IGSF21: variants seen among roughly 807,000 people sequenced by gnomAD.
The protein encoded by IGSF21 is immunoglobin superfamily member 21, also known as immunoglobulin superfamily member 21.
In IGSF21, 28 loss-of-function variants were observed where a neutral mutation model predicts 46.8. The ratio of observed to expected loss-of-function variants is 0.60; its 90% CI spans 0.44 to 0.82. The LOEUF is 0.82. Ranked by LOEUF, IGSF21 falls within the 40% of genes least tolerant of loss-of-function variation. The pLI is 0.00. For synonymous variants in IGSF21, 284 were observed against 273.6 expected (o/e 1.04, Z -0.38); for missense variants, 624 against 665.5 (o/e 0.94, Z 0.69).
chr1:18,130,310 G>A (rs2086306776), intron 1 of IGSF21, among the ~76,000 whole-genome samples: 1 of 152,190 alleles, frequency 6.6e-6, no homozygotes, highest in South Asian at 2.1e-4. Context: ...ACCAGGATGA[G>A]AAGTTCCTGT....
chr1:18,167,900 C>T (rs2086695103), intron 1 of IGSF21: 1 of 152,360 alleles, frequency 6.6e-6, no homozygotes, highest in South Asian at 2.1e-4. Context: ...CCACAGATCC[C>T]AGGGCCAGCT....
intron 2 of IGSF21, among the ~76,000 whole-genome samples, chr1:18,280,826 G>A (rs2085151558): frequency 6.6e-6 from 1 of 151,832 alleles, no homozygotes; most frequent in Non-Finnish European, 1.5e-5. Context: ...TTGATGCCTG[G>A]GGACCCCCAT....
chr1:18,207,262 CT>C (rs1407621622), intron 1 of IGSF21, among the ~76,000 whole-genome samples: 3 of 152,210 alleles, frequency 2.0e-5, no homozygotes, highest in African/African-American at 7.2e-5. Flanking sequence ...AAACTTCCCA[CT>C]TTTAAGGGCT....
chr1:18,263,904 G>A (rs1183531037), intron 2 of IGSF21, among the ~76,000 whole-genome samples: 2 of 152,134 alleles, frequency 1.3e-5, no homozygotes, highest in South Asian at 4.1e-4. Flanking sequence ...ACCTGATGCT[G>A]GTGCATTTAA....
intron 1 of IGSF21, among the ~76,000 whole-genome samples, chr1:18,178,476 A>G (rs973598652): frequency 2.0e-5 from 3 of 152,172 alleles, no homozygotes; most frequent in Admixed American, 6.5e-5. Context: ...TGCATCTGTG[A>G]AGTGGGGATA....
intron 2 of IGSF21, among the ~76,000 whole-genome samples, chr1:18,240,723 G>C (rs1422286891): frequency 6.6e-6 from 1 of 152,198 alleles, no homozygotes; most frequent in Admixed American, 6.5e-5. Context: ...TTCAACCATG[G>C]ATGGGCTGTC....
At chr1:18,129,223 G>T (rs1418956781) in intron 1 of IGSF21, among the ~76,000 whole-genome samples, 1 of 152,142 alleles carries the variant, frequency 6.6e-6, no homozygotes, top group Non-Finnish European at 1.5e-5. Context: ...CAGGAAAAGG[G>T]GAGAGAGAGT....
Position 18,191,969 on chromosome 1 carries a change from G to T in IGSF21, c.71-35929G>T, listed in dbSNP as rs535952856. Reference sequence around the variant, plus strand: ...TGACATCTGCCCTCCTGAGAGTCCAGTAAGAAGCTTTCTTCCTCCCTCCAG... The same window carrying T: ...TGACATCTGCCCTCCTGAGAGTCCATTAAGAAGCTTTCTTCCTCCCTCCAG... On this transcript the variant is annotated intron_variant, in intron 1 of 9. Transcript: ENST00000251296. 1.7e-3 allele frequency among the ~76,000 whole-genome samples: 254 copies of T among 152,282 alleles called. 2 individuals carry two copies. Among genetic ancestry groups the T allele is most frequent in the African/African-American group, 5.9e-3 (247 of 41,568 alleles).
intron 3 of IGSF21, among the ~76,000 whole-genome samples, chr1:18,305,163 C>G (rs1041069478): frequency 6.7e-6 from 1 of 149,734 alleles, no homozygotes; most frequent in Admixed American, 6.7e-5. Flanking sequence ...AGTAAGCACT[C>G]AATAAGAGAT....
chr1:18,187,578 C>T (rs978677868), intron 1 of IGSF21, among the ~76,000 whole-genome samples: 6 of 152,122 alleles, frequency 3.9e-5, no homozygotes, highest in Admixed American at 1.3e-4. Context: ...ACCACTCCTG[C>T]GATCCAATTA....
intron 3 of IGSF21, among the ~76,000 whole-genome samples, chr1:18,305,177 G>A (rs4920471): frequency 0.56 from 84,526 of 150,836 alleles, 24,727 homozygotes; most frequent in East Asian, 0.81. Context: ...AAGAGATAGG[G>A]AAGGGGATGG....
chr1:18,157,087 G>A (rs1206583164), intron 1 of IGSF21, among the ~76,000 whole-genome samples: 1 of 152,006 alleles, frequency 6.6e-6, no homozygotes, highest in African/African-American at 2.4e-5. Flanking sequence ...TTGCACCACT[G>A]CATGCACTCC....
At chr1:18,373,333 C>T (rs1396428608) in intron 6 of IGSF21, among the ~76,000 whole-genome samples, 1 of 152,120 alleles carries the variant, frequency 6.6e-6, no homozygotes, top group Non-Finnish European at 1.5e-5. Context: ...TTCGGGCACT[C>T]TCAGCCATTG....
intron 1 of IGSF21, among the ~76,000 whole-genome samples, chr1:18,145,109 G>T (rs1440288682): frequency 6.6e-6 from 1 of 152,192 alleles, no homozygotes; most frequent in Non-Finnish European, 1.5e-5. Context: ...ACTCAGAGAT[G>T]ACTGCTGCTC....
chr1:18,131,847 C>T (rs1327785266), intron 1 of IGSF21, among the ~76,000 whole-genome samples: 1 of 152,076 alleles, frequency 6.6e-6, no homozygotes, highest in Non-Finnish European at 1.5e-5. Context: ...CCTTATGGTT[C>T]ATATACAAAG....
At chr1:18,125,880 T>C (rs1180461661) in intron 1 of IGSF21, among the ~76,000 whole-genome samples, 1 of 152,230 alleles carries the variant, frequency 6.6e-6, no homozygotes, top group Non-Finnish European at 1.5e-5. Flanking sequence ...TTCCAGACCC[T>C]GCGCAGGCCT....
intron 2 of IGSF21, among the ~76,000 whole-genome samples, chr1:18,257,408 T>C (rs1460657034): frequency 6.6e-6 from 1 of 152,178 alleles, no homozygotes; most frequent in East Asian, 1.9e-4. Flanking sequence ...ACTCTTTATA[T>C]ATATAAATCA....
intron 4 of IGSF21, among the ~76,000 whole-genome samples, chr1:18,339,420 C>A (rs2085805322): frequency 6.6e-6 from 1 of 152,166 alleles, no homozygotes; most frequent in African/African-American, 2.4e-5. Flanking sequence ...TGAGACCGAG[C>A]CCTAACTAGG....
chr1:18,206,371 ACACCCT>A (rs2084324507), intron 1 of IGSF21, among the ~76,000 whole-genome samples: 1 of 151,918 alleles, frequency 6.6e-6, no homozygotes, highest in African/African-American at 2.4e-5. Flanking sequence ...CAACATAATG[ACACCCT>A]CATCTCTACA....
Sources: gnomAD v4.1 joint callset for allele counts (sites outside exome capture counted in the v4.1 genomes callset) on GRCh38, gnomAD v4.1.1 for gene constraint, MANE v1.5 for transcripts, NCBI Gene and HGNC (gene_info 2026-07-23, HGNC 2026-07-21) for gene names.